Variants in SSX2IP observed in about 807,000 individuals in gnomAD.
SSX2IP encodes the protein afadin- and alpha-actinin-binding protein.
In SSX2IP, 55 loss-of-function variants were observed where a neutral mutation model predicts 84.9. That is an observed-to-expected ratio of 0.65 (90% CI 0.52 to 0.81). SSX2IP has a LOEUF of 0.81. SSX2IP is among the 30% of genes least tolerant of loss of function. The probability of loss-of-function intolerance (pLI) is 0.00; values close to 1 mark genes in which losing one functional copy is unlikely to be tolerated. For synonymous variants in SSX2IP, 239 were observed against 234.7 expected, an observed-to-expected ratio of 1.02 and a Z score of -0.17; for missense variants, 664 against 705.2, an observed-to-expected ratio of 0.94 and a Z score of 0.66.
chr1:84,687,340 C>T (rs979573041), intron 1 of SSX2IP, among the ~76,000 whole-genome samples: 1 of 152,172 alleles, frequency 6.6e-6, no homozygotes, highest in Non-Finnish European at 1.5e-5. Flanking sequence ...TATTTAAAAA[C>T]TTATTTTTGC....
intron 6 of SSX2IP, among the ~76,000 whole-genome samples, chr1:84,663,074 T>C (rs1187185629): frequency 6.6e-6 from 1 of 152,044 alleles, no homozygotes; most frequent in Admixed American, 6.6e-5. Flanking sequence ...ATGTTTACTA[T>C]ATGGATCTAT....
Position 84,656,404 on chromosome 1 carries a change from C to T in SSX2IP, c.1159G>A (p.Glu387Lys), listed in dbSNP as rs370153105. The T allele has an allele frequency of 3.2e-5, 52 of 1,613,232 alleles. No individual in the cohort carries two copies. Among genetic ancestry groups the T allele is most frequent in the Non-Finnish European group, 4.2e-5 (49 of 1,179,686 alleles). ...QDHEQETEKL[E>K]LEIQQCKEMI... Reference sequence around the variant, plus strand: ...TCTTTACACTGCTGAATTTCTAACTCGAGTTTTTCAGTTTCTTGTTCATGG... The same window carrying T: ...TCTTTACACTGCTGAATTTCTAACTTGAGTTTTTCAGTTTCTTGTTCATGG... The change falls in exon 10 of 14, where the codon GAG becomes AAG. Residue 387 changes from glutamate to lysine, a missense_variant. Glu to Lys is a moderately conservative substitution (Grantham distance 56). Coordinates refer to ENST00000342203, the MANE Select transcript of SSX2IP (RefSeq NM_001166293.2).
chr1:84,660,583 T>C (rs1651800603), intron 8 of SSX2IP, among the ~76,000 whole-genome samples: 1 of 152,068 alleles, frequency 6.6e-6, no homozygotes, highest in South Asian at 2.1e-4. Flanking sequence ...CTGACCAACA[T>C]GGAGAAACCC....
chr1:84,671,747 G>A (rs1326604354), intron 1 of SSX2IP, among the ~76,000 whole-genome samples: 1 of 152,046 alleles, frequency 6.6e-6, no homozygotes, highest in Non-Finnish European at 1.5e-5. Context: ...TCCCAGTGTT[G>A]GCAAAGATGT....
At chr1:84,680,324 G>A (rs911031067) in intron 1 of SSX2IP, 10 of 152,154 alleles carry the variant, frequency 6.6e-5, no homozygotes, top group African/African-American at 1.9e-4. Flanking sequence ...CCAAACCCCG[G>A]CTTCTCCACT....
intron 5 of SSX2IP, among the ~76,000 whole-genome samples, chr1:84,665,786 C>T (rs1007883584): frequency 2.0e-5 from 3 of 152,114 alleles, no homozygotes; most frequent in African/African-American, 7.2e-5. Flanking sequence ...CGTACAGGTA[C>T]AGCAGAGAAT....
At chr1:84,679,145 A>C (rs1042687250) in intron 1 of SSX2IP, among the ~76,000 whole-genome samples, 1 of 118,150 alleles carries the variant, frequency 8.5e-6, no homozygotes, top group African/African-American at 2.8e-5. Flanking sequence ...CAGTCCTAAA[A>C]CTTAACAATT....
chr1:84,674,130 C>G (rs1570687273), intron 1 of SSX2IP, among the ~76,000 whole-genome samples: 2 of 152,228 alleles, frequency 1.3e-5, no homozygotes, highest in Admixed American at 6.5e-5. Flanking sequence ...ATTCCTTAAC[C>G]TCTCTGAGCC....
chr1:84,680,580 TC>T (rs962565397), intron 1 of SSX2IP, among the ~76,000 whole-genome samples: 3 of 152,118 alleles, frequency 2.0e-5, no homozygotes, highest in Admixed American at 6.6e-5. Flanking sequence ...TGGAAAGACT[TC>T]CATGATATTT....
chr1:84,669,969 A>T (rs1653323222), intron 3 of SSX2IP, 76 bp from the exon 4 acceptor site: 1 of 1,022,704 alleles, frequency 9.8e-7, no homozygotes. Flanking sequence ...ACTTTCAGTT[A>T]GATAGGAAGA....
At chr1:84,668,254 A>G (rs1470265842) in intron 4 of SSX2IP, among the ~76,000 whole-genome samples, 1 of 152,178 alleles carries the variant, frequency 6.6e-6, no homozygotes, top group Non-Finnish European at 1.5e-5. Flanking sequence ...CTAGCTACTT[A>G]TAAGACATGT....
intron 12 of SSX2IP, among the ~76,000 whole-genome samples, chr1:84,651,644 C>T (rs981467349): frequency 2.0e-5 from 3 of 151,956 alleles, no homozygotes; most frequent in African/African-American, 4.8e-5. Context: ...AAGATAATCG[C>T]GTGAAGCTGG....
chr1:84,655,769 A>C (rs1650992688), intron 11 of SSX2IP, 63 bp downstream of exon 11: 41 of 1,549,922 alleles, frequency 2.6e-5, no homozygotes, highest in Non-Finnish European at 3.5e-5. Context: ...AGACCTTAGA[A>C]GCATTCTACT....
At chr1:84,662,580 T>C (rs2102334610) in intron 6 of SSX2IP, 50 bp from the exon 7 acceptor site, 2 of 1,579,262 alleles carry the variant, frequency 1.3e-6, no homozygotes, top group East Asian at 4.5e-5. Flanking sequence ...TGCTTAAGCA[T>C]CTAAAACTCT....
In SSX2IP at chr1:84,648,728, A is replaced by G. The variant is rs191576458; in HGVS notation, c.1671-1121T>C. On this transcript the variant is annotated intron_variant, in intron 13 of 13. Transcript: ENST00000342203. Reference sequence around the variant, plus strand: ...TCTATACAGATAGTTCTGACTGGTCAAATTTAGAAGTTTGAATAACATTCT... The same window carrying G: ...TCTATACAGATAGTTCTGACTGGTCGAATTTAGAAGTTTGAATAACATTCT... 1.2e-3 allele frequency among the ~76,000 whole-genome samples: 177 copies of G among 152,366 alleles called. 2 individuals are homozygous for G. Among genetic ancestry groups the G allele is most frequent in the Non-Finnish European group, 2.1e-3 (140 of 68,026 alleles).
chr1:84,658,368 C>A lies in SSX2IP; in HGVS notation c.1028G>T (p.Arg343Ile). The change falls in exon 9 of 14, where the codon AGA (arginine) becomes ATA (isoleucine). Residue 343 changes from arginine (R) to isoleucine (I), a missense_variant. Arg to Ile is a moderately conservative substitution (Grantham distance 97). Transcript: ENST00000342203. ...ACTTTTCAAAATTCTCCACTGTTTT[C>A]TGATGCTGTTTGTAAGCTGCTCTCT... The part of the protein sequence containing the change: ...TVREQLTNSI[R>I]KQWRILKSHV... 6.2e-7 allele frequency: 1 copy of A among 1,614,114 alleles called. No homozygotes were observed. The highest frequency in any genetic ancestry group is 1.1e-5 in the South Asian group (1 of 91,072).
chr1:84,668,796 T>G (rs988646168), intron 4 of SSX2IP, among the ~76,000 whole-genome samples: 41 of 151,768 alleles, frequency 2.7e-4, no homozygotes, highest in Non-Finnish European at 4.4e-4. Flanking sequence ...TGGGGGAGGA[T>G]GTACACAAAG....
intron 8 of SSX2IP, 31 bp downstream of exon 8, chr1:84,662,167 A>C (rs528126541): frequency 3.6e-6 from 5 of 1,402,400 alleles, no homozygotes; most frequent in Non-Finnish European, 4.9e-6. Context: ...AGCAATCTGA[A>C]GACTGTATTA....
intron 4 of SSX2IP, among the ~76,000 whole-genome samples, chr1:84,668,643 A>T (rs1653088026): frequency 6.6e-6 from 1 of 152,062 alleles, no homozygotes; most frequent in African/African-American, 2.4e-5. Context: ...ATGTAGGCCA[A>T]CTCTATGCCA....
Sources: gnomAD v4.1 joint callset for allele counts (sites outside exome capture counted in the v4.1 genomes callset) on GRCh38, gnomAD v4.1.1 for gene constraint, MANE v1.5 for transcripts, NCBI Gene and HGNC (gene_info 2026-07-23, HGNC 2026-07-21) for gene names.